Variants in TMEM181 observed in about 807,000 individuals in gnomAD.
The protein encoded by TMEM181 is transmembrane protein 181, also known as G protein-coupled receptor 178.
A neutral mutation model predicts 71.9 loss-of-function variants in TMEM181; 39 were observed. The observed-to-expected ratio is 0.54, with a 90% CI of 0.42 to 0.71. The LOEUF (loss-of-function observed/expected upper bound fraction) is 0.71, where lower values mean the gene tolerates loss of function less well. Ranked by LOEUF, TMEM181 falls within the 30% of genes least tolerant of loss-of-function variation. The pLI is 0.00. For missense variants in TMEM181, 595 were observed against 583.0 expected (o/e 1.02, Z -0.21); for synonymous variants, 245 against 228.8 (o/e 1.07, Z -0.64).
rs1364837322 is a variant in TMEM181 at position 158,582,881 on chromosome 6, T to C, written c.169-1073T>C. On this transcript the variant is annotated intron_variant, in intron 3 of 16. Transcript: ENST00000684151. The stretch of plus-strand genomic sequence containing the variant: ...CTCCCCAGGGGTGTTAAGATTTTCT[T>C]TCAGAAGGCTAAAAATAGCAGACGT... 5.3e-5 allele frequency among the ~76,000 whole-genome samples: 8 copies of C among 152,254 alleles called. No individual in the cohort carries two copies. In the East Asian group the frequency reaches 1.4e-3, roughly 26 times the overall value.
intron 1 of TMEM181, among the ~76,000 whole-genome samples, chr6:158,568,073 C>T (rs1044526490): frequency 2.6e-5 from 4 of 151,756 alleles, no homozygotes; most frequent in African/African-American, 7.3e-5. Flanking sequence ...GTGGGACTGG[C>T]GTGCTGGGGA....
Position 158,623,604 on chromosome 6 carries a change from T to G in TMEM181, c.951T>G (p.Phe317Leu). 6.3e-7 allele frequency: 1 copy of G among 1,582,470 alleles called. No homozygotes were observed. The change falls in exon 11 of 17, where the codon TTT becomes TTG. Residue 317 changes from phenylalanine to leucine, a missense_variant. By Grantham distance (22) the Phe-to-Leu change is conservative (BLOSUM62 0). Transcript: ENST00000684151. ...AGTATCGAGTTGATACCGGAAATTTTCAGGTAAGGATTGTTAATGAGGCCT... is the reference window on the plus strand; with the variant it reads ...AGTATCGAGTTGATACCGGAAATTTGCAGGTAAGGATTGTTAATGAGGCCT... Reference protein sequence around the residue: ...MYQYRVDTGNFQGMKVFFMVV... With the variant: ...MYQYRVDTGNLQGMKVFFMVV...
At chr6:158,601,543 A>G (rs755141939) in intron 6 of TMEM181, among the ~76,000 whole-genome samples, 4 of 151,974 alleles carry the variant, frequency 2.6e-5, no homozygotes, top group Non-Finnish European at 5.9e-5. Flanking sequence ...GGTGGATCAC[A>G]AGGTCAGGAG....
chr6:158,588,001 G>A (rs1044038141), intron 5 of TMEM181, among the ~76,000 whole-genome samples: 1 of 152,168 alleles, frequency 6.6e-6, no homozygotes, highest in South Asian at 2.1e-4. Context: ...CCTGTGACCC[G>A]ACTGCCAGAG....
At chr6:158,627,262 T>C (rs558269948) in intron 13 of TMEM181, among the ~76,000 whole-genome samples, 1 of 152,226 alleles carries the variant, frequency 6.6e-6, no homozygotes, top group Non-Finnish European at 1.5e-5. Flanking sequence ...TGTCTACTTC[T>C]GGTGGCCTCC....
intron 2 of TMEM181, among the ~76,000 whole-genome samples, chr6:158,574,874 C>T (rs982509494): frequency 6.6e-6 from 1 of 152,162 alleles, no homozygotes; most frequent in African/African-American, 2.4e-5. Flanking sequence ...CAGGAGAGCC[C>T]ATGGTGTAGT....
At chr6:158,536,670 GA>G (rs1781113541) in exon 1 of TMEM181, 2 of 1,515,720 alleles carry the variant, frequency 1.3e-6, no homozygotes, top group African/African-American at 2.8e-5. Flanking sequence ...TGGGAGAAGA[GA>G]GGGGGCGCAG....
chr6:158,592,554 C>G (rs1784165809), intron 6 of TMEM181, among the ~76,000 whole-genome samples: 1 of 151,848 alleles, frequency 6.6e-6, no homozygotes, highest in African/African-American at 2.4e-5. Flanking sequence ...CTTACTGTAA[C>G]ATCTGCCTCC....
intron 1 of TMEM181, chr6:158,572,259 G>T: frequency 8.1e-6 from 3 of 371,894 alleles, no homozygotes; most frequent in Non-Finnish European, 5.4e-6. Context: ...GCAGGCCCGT[G>T]TGAGCTTTGG....
At chr6:158,584,068 T>C in intron 4 of TMEM181, 24 bp downstream of exon 4, 1 of 1,565,044 alleles carries the variant, frequency 6.4e-7, no homozygotes, top group African/African-American at 1.4e-5. Flanking sequence ...CATTTTGGAA[T>C]GATTTTTCAT....
intron 1 of TMEM181, among the ~76,000 whole-genome samples, chr6:158,569,003 G>T (rs555976054): frequency 6.6e-6 from 1 of 152,224 alleles, no homozygotes; most frequent in East Asian, 1.9e-4. Flanking sequence ...TAGTGACAGG[G>T]TCTCGCCCTG....
chr6:158,581,566 A>G (rs1783477724), intron 3 of TMEM181, among the ~76,000 whole-genome samples: 1 of 152,048 alleles, frequency 6.6e-6, no homozygotes, highest in Admixed American at 6.6e-5. Context: ...ATCCTGGCTA[A>G]CATGGTGAAA....
exon 1 of TMEM181, chr6:158,536,720 G>T: frequency 6.4e-7 from 1 of 1,559,314 alleles, no homozygotes. Flanking sequence ...ACCGGGACCC[G>T]GGAGGCTGCG....
intron 1 of TMEM181, among the ~76,000 whole-genome samples, chr6:158,545,554 G>C (rs899159801): frequency 1.3e-5 from 2 of 152,258 alleles, no homozygotes; most frequent in African/African-American, 4.8e-5. Context: ...GGCACGTGGC[G>C]GGTGGGCGTT....
chr6:158,550,179 G>C (rs1025073281), intron 1 of TMEM181, among the ~76,000 whole-genome samples: 3 of 151,586 alleles, frequency 2.0e-5, no homozygotes, highest in African/African-American at 4.8e-5. Flanking sequence ...AACCCTTTCA[G>C]CCACATTTGG....
At chr6:158,574,067 G>A (rs543239569) in intron 2 of TMEM181, among the ~76,000 whole-genome samples, 6 of 142,146 alleles carry the variant, frequency 4.2e-5, no homozygotes, top group Admixed American at 1.4e-4. Context: ...CTTCAGCCCC[G>A]TGCAGAGGGC....
chr6:158,546,661 T>G (rs1462222622), intron 1 of TMEM181, among the ~76,000 whole-genome samples: 1 of 152,214 alleles, frequency 6.6e-6, no homozygotes, highest in Admixed American at 6.5e-5. Flanking sequence ...TAGGGAGCTT[T>G]AAAAATACTG....
At chr6:158,626,900 A>C (rs1583057576) in intron 13 of TMEM181, among the ~76,000 whole-genome samples, 1 of 138,444 alleles carries the variant, frequency 7.2e-6, no homozygotes. Context: ...CCACACCTTC[A>C]CTCACACACC....
At position 158,628,175 on chromosome 6, in the gene TMEM181, C is replaced by T. The variant is rs933917159; in HGVS notation, c.1110-233C>T. On this transcript the variant is annotated intron_variant, in intron 13 of 16. Transcript: ENST00000684151. ...GCAGGGTTCATCCTGTCCCTGCAGC[C>T]GGCCGGTGGGTCTAGCCCACCTAGA... 84 of 674,922 alleles carry T rather than the reference C, an allele frequency of 1.2e-4. No homozygotes were observed. The East Asian group carries it at 1.9e-3, about 15-fold the overall frequency. 41.8% of individuals were successfully genotyped at this position (674,922 alleles called of 1,614,324 possible).
Sources: gnomAD v4.1 joint callset for allele counts (sites outside exome capture counted in the v4.1 genomes callset) on GRCh38, gnomAD v4.1.1 for gene constraint, MANE v1.5 for transcripts, NCBI Gene and HGNC (gene_info 2026-07-23, HGNC 2026-07-21) for gene names.